DRC1: variants seen among roughly 807,000 people sequenced by gnomAD.
DRC1 encodes dynein regulatory complex protein 1.
DRC1 carries 74 observed loss-of-function variants against 98.7 expected under a neutral mutation model. The observed-to-expected ratio is 0.75, with a 90% CI of 0.62 to 0.91. The LOEUF (loss-of-function observed/expected upper bound fraction) is 0.91. Among genes scored for constraint, DRC1 ranks in the 40% least tolerant of loss-of-function variants. The probability of loss-of-function intolerance (pLI) is 0.00; values close to 1 mark genes in which losing one functional copy is unlikely to be tolerated. For synonymous variants in DRC1, 336 were observed against 334.1 expected (o/e 1.01, Z -0.06); for missense variants, 875 against 886.0 (o/e 0.99, Z 0.16).
chr2:26,429,903 T>A, intron 5 of DRC1, 138 bp downstream of exon 5: 1 of 949,786 alleles, frequency 1.1e-6, no homozygotes, highest in Non-Finnish European at 1.5e-6. Flanking sequence ...CAGGTTTTAT[T>A]AATTTATTTA....
intron 3 of DRC1, among the ~76,000 whole-genome samples, chr2:26,422,408 G>A (rs1181173405): frequency 6.6e-6 from 1 of 152,166 alleles, no homozygotes; most frequent in Non-Finnish European, 1.5e-5. Context: ...GGTTCACAGG[G>A]ATCACAAGAA....
intron 16 of DRC1, among the ~76,000 whole-genome samples, chr2:26,455,971 C>T (rs1664154235): frequency 2.0e-5 from 3 of 152,214 alleles, no homozygotes. Context: ...GCTCCAAGTC[C>T]AGCCACAGGG....
chr2:26,449,480 G>A (rs1380463914), intron 11 of DRC1, among the ~76,000 whole-genome samples: 1 of 152,242 alleles, frequency 6.6e-6, no homozygotes, highest in African/African-American at 2.4e-5. Flanking sequence ...TCCCCATGGA[G>A]CTCTCCCCCA....
At chr2:26,445,091 T>C in intron 10 of DRC1, 143 bp downstream of exon 10, 1 of 922,562 alleles carries the variant, frequency 1.1e-6, no homozygotes, top group Non-Finnish European at 1.6e-6. Flanking sequence ...CTCTAATTTA[T>C]AGCTTTGCTC....
intron 7 of DRC1, among the ~76,000 whole-genome samples, chr2:26,434,749 G>T (rs1014052794): frequency 6.6e-6 from 1 of 152,098 alleles, no homozygotes; most frequent in South Asian, 2.1e-4. Flanking sequence ...AAATTAGCCG[G>T]GTGTGGTGGC....
In DRC1 at chr2:26,444,799, C is replaced by A. The variant is rs202052258; in HGVS notation, c.1247C>A (p.Ala416Asp). Residue 416 changes from alanine (A) to aspartate (D), a missense_variant, in exon 10 of 17, where the codon GCC (alanine) becomes GAC (aspartate). Transcript: ENST00000288710. ...GAGGCGAAGGACCTAATAGCCAGAG[C>A]CTTTGATGTGGACAGGATCATCCAC... ...EEEAKDLIAR[A>D]FDVDRIIHTH... 1.5e-5 allele frequency: 25 copies of A among 1,614,148 alleles called. No homozygotes were observed. The highest frequency in any genetic ancestry group is 2.2e-5 in the East Asian group (1 of 44,886).
chr2:26,441,537 A>G lies in DRC1; in HGVS notation c.1028+1020A>G, dbSNP rs537693550. The stretch of plus-strand genomic sequence containing the variant: ...ATCCAAGAAAGGCACACATCAATAC[A>G]GTGAGGAGGCACCTGGGAAAGCTTC... On this transcript the variant is annotated intron_variant, in intron 8 of 16. Coordinates refer to ENST00000288710, the MANE Select transcript of DRC1 (RefSeq NM_145038.5). Among the ~76,000 whole-genome samples, 5 of 152,214 alleles carry G rather than the reference A, an allele frequency of 3.3e-5. No homozygotes were observed. In the South Asian group the frequency reaches 8.3e-4, roughly 25 times the overall value.
intron 11 of DRC1, 40 bp downstream of exon 11, chr2:26,448,843 G>C: frequency 6.3e-7 from 1 of 1,599,662 alleles, no homozygotes; most frequent in Non-Finnish European, 8.6e-7. Context: ...GACTCACGGG[G>C]GTGTGCAGGT....
chr2:26,407,696 A>G (rs572236768), intron 1 of DRC1, among the ~76,000 whole-genome samples: 1 of 152,114 alleles, frequency 6.6e-6, no homozygotes, highest in African/African-American at 2.4e-5. Context: ...CCTGACAACA[A>G]CCCTGGACCA....
intron 10 of DRC1, 148 bp downstream of exon 10, chr2:26,445,096 T>C (rs1663819870): frequency 3.3e-6 from 3 of 896,142 alleles, no homozygotes; most frequent in Non-Finnish European, 4.9e-6. Context: ...ATTTATAGCT[T>C]TGCTCTCTCT....
At chr2:26,420,171 G>T (rs969334573) in intron 2 of DRC1, among the ~76,000 whole-genome samples, 2 of 152,130 alleles carry the variant, frequency 1.3e-5, no homozygotes, top group Non-Finnish European at 2.9e-5. Context: ...TGGGGCAGCA[G>T]AGGGTACACC....
At chr2:26,446,500 T>C (rs1284515880) in intron 10 of DRC1, among the ~76,000 whole-genome samples, 1 of 152,210 alleles carries the variant, frequency 6.6e-6, no homozygotes, top group Non-Finnish European at 1.5e-5. Context: ...TTTCTTTTTT[T>C]TGGTAATAAA....
Position 26,450,603 on chromosome 2 carries a change from TGAAAG to T in DRC1, c.1612_1616del (p.Glu538Ter). On this transcript the variant is annotated frameshift_variant, in exon 13 of 17. Coordinates refer to ENST00000288710, the MANE Select transcript of DRC1 (RefSeq NM_145038.5). LOFTEE classifies it high-confidence loss of function. ...GTTTTTCGCCCCAGGCCCTTGGAAT[TGAAAG>T]TGAGGATGACTTGTATAAACTGGTG... The T allele has an allele frequency of 1.2e-6, 2 of 1,611,892 alleles. No homozygotes were observed. Among genetic ancestry groups the T allele is most frequent in the Non-Finnish European group, 1.7e-6 (2 of 1,178,946 alleles).
intron 10 of DRC1, among the ~76,000 whole-genome samples, chr2:26,445,777 GC>G (rs951636228): frequency 1.3e-5 from 2 of 152,042 alleles, no homozygotes; most frequent in Non-Finnish European, 2.9e-5. Context: ...CCCTGCCTCA[GC>G]CTCCCGAGGA....
At chr2:26,414,219 C>T in intron 1 of DRC1, 125 bp from the exon 2 acceptor site, 2 of 824,342 alleles carry the variant, frequency 2.4e-6, no homozygotes, top group East Asian at 2.7e-5. Flanking sequence ...TTAAGCAATC[C>T]TCCTGTCTTG....
chr2:26,442,574 A>G (rs1469733911), intron 8 of DRC1, among the ~76,000 whole-genome samples: 1 of 152,036 alleles, frequency 6.6e-6, no homozygotes, highest in Non-Finnish European at 1.5e-5. Flanking sequence ...TTTTTATTTC[A>G]TCTGCCACAT....
chr2:26,439,593 C>T (rs1174360739), intron 7 of DRC1, among the ~76,000 whole-genome samples: 1 of 151,900 alleles, frequency 6.6e-6, no homozygotes, highest in Non-Finnish European at 1.5e-5. Context: ...ACACTTCTAC[C>T]CTGGAAGGTC....
intron 4 of DRC1, among the ~76,000 whole-genome samples, chr2:26,428,169 A>T (rs770850877): frequency 4.3e-4 from 65 of 152,334 alleles, no homozygotes; most frequent in Non-Finnish European, 7.8e-4. Context: ...TCCAATTTTG[A>T]TGTCTTTTCA....
intron 7 of DRC1, 37 bp from the exon 8 acceptor site, chr2:26,440,340 TG>T: frequency 6.5e-7 from 1 of 1,538,784 alleles, no homozygotes; most frequent in African/African-American, 1.4e-5. Context: ...TGTGTGTGTG[TG>T]TGTGTATATA....
Sources: allele counts gnomAD v4.1 joint callset (sites outside exome capture counted in the v4.1 genomes callset), GRCh38; gene constraint gnomAD v4.1.1; transcripts MANE v1.5; gene names NCBI Gene and HGNC (gene_info 2026-07-23, HGNC 2026-07-21).